ARHGAP32: variants seen among roughly 807,000 people sequenced by gnomAD.
ARHGAP32 encodes rho GTPase-activating protein 32.
In ARHGAP32, 51 loss-of-function variants were observed where a neutral mutation model predicts 186.5. That is an observed-to-expected ratio of 0.27 (90% CI 0.22 to 0.35). ARHGAP32 has a LOEUF of 0.35. Ranked by LOEUF, ARHGAP32 falls within the 10% of genes least tolerant of loss-of-function variation. The probability of loss-of-function intolerance (pLI) is 1.00; values close to 1 mark genes in which losing one functional copy is unlikely to be tolerated. For missense variants in ARHGAP32, 2,186 were observed against 2,623.5 expected (o/e 0.83, Z 3.64); for synonymous variants, 950 against 964.3 (o/e 0.99, Z 0.27).
intron 2 of ARHGAP32, among the ~76,000 whole-genome samples, chr11:129,163,621 C>T (rs1943573394): frequency 6.6e-6 from 1 of 152,080 alleles, no homozygotes; most frequent in Non-Finnish European, 1.5e-5. Context: ...ACCATATGTG[C>T]TATCATCCTG....
At chr11:129,038,602 C>T (rs1939454107) in intron 11 of ARHGAP32, among the ~76,000 whole-genome samples, 1 of 151,442 alleles carries the variant, frequency 6.6e-6, no homozygotes, top group African/African-American at 2.4e-5. Context: ...TTACAACTCA[C>T]TAAAAAAAAC....
At chr11:128,989,553 CACAT>C (rs1360415393) in intron 12 of ARHGAP32, among the ~76,000 whole-genome samples, 45 of 150,630 alleles carry the variant, frequency 3.0e-4, no homozygotes, top group African/African-American at 9.1e-4. Flanking sequence ...CACACACACA[CACAT>C]ACATATATCT....
intron 1 of ARHGAP32, among the ~76,000 whole-genome samples, chr11:129,259,426 G>GA (rs537786285): frequency 1.1e-4 from 16 of 151,278 alleles, no homozygotes; most frequent in Admixed American, 3.3e-4. Context: ...CACTTTGGAA[G>GA]AAAAAAAAGA....
At chr11:129,155,110 T>G (rs866203590) in intron 2 of ARHGAP32, among the ~76,000 whole-genome samples, 2 of 152,342 alleles carry the variant, frequency 1.3e-5, no homozygotes, top group African/African-American at 4.8e-5. Context: ...ACTCATTTGT[T>G]ATGTATTATT....
rs189369251 is a variant in ARHGAP32, at chr11:129,066,000, T to A, written c.669+731A>T. On this transcript the variant is annotated intron_variant, in intron 7 of 22. Coordinates refer to ENST00000682385, the MANE Select transcript of ARHGAP32 (RefSeq NM_001378024.1). ...TACTAAATTAATTTAAATGATCCTATATTCGTTTACAACATCTCTGATTTT... is the reference window on the plus strand; with the variant it reads ...TACTAAATTAATTTAAATGATCCTAAATTCGTTTACAACATCTCTGATTTT... 2.0e-4 allele frequency among the ~76,000 whole-genome samples: 30 copies of A among 152,300 alleles called. No homozygotes were observed. In the East Asian group the frequency reaches 5.2e-3, roughly 26 times the overall value.
intron 5 of ARHGAP32, among the ~76,000 whole-genome samples, chr11:129,108,648 G>A (rs1942117946): frequency 6.6e-6 from 1 of 152,124 alleles, no homozygotes; most frequent in Non-Finnish European, 1.5e-5. Flanking sequence ...TTGCTGATTT[G>A]TGAAGTGGGT....
intron 1 of ARHGAP32, among the ~76,000 whole-genome samples, chr11:129,207,768 CA>C (rs1944533271): frequency 6.6e-6 from 1 of 151,494 alleles, no homozygotes. Context: ...AAATATTAAT[CA>C]AAAGAATAAC....
intron 1 of ARHGAP32, among the ~76,000 whole-genome samples, chr11:129,232,652 C>T (rs917357156): frequency 2.0e-5 from 3 of 152,160 alleles, no homozygotes; most frequent in Non-Finnish European, 4.4e-5. Flanking sequence ...TGACTCTCAT[C>T]TGAAGGCTGG....
At chr11:129,187,810 A>G (rs1029239737) in intron 1 of ARHGAP32, among the ~76,000 whole-genome samples, 2 of 152,210 alleles carry the variant, frequency 1.3e-5, no homozygotes, top group Non-Finnish European at 2.9e-5. Context: ...ATCTTTTTTG[A>G]CATCATAAGT....
chr11:129,249,309 A>ATACTCATACAT (rs1945147198), intron 1 of ARHGAP32, among the ~76,000 whole-genome samples: 1 of 152,116 alleles, frequency 6.6e-6, no homozygotes, highest in Non-Finnish European at 1.5e-5. Flanking sequence ...AAAAAAAGTA[A>ATACTCATACAT]TACTCATACA....
At chr11:129,148,273 G>T (rs1943213344) in intron 2 of ARHGAP32, among the ~76,000 whole-genome samples, 1 of 152,012 alleles carries the variant, frequency 6.6e-6, no homozygotes, top group African/African-American at 2.4e-5. Flanking sequence ...CACAGGACAG[G>T]CAAAAAACTG....
intron 6 of ARHGAP32, among the ~76,000 whole-genome samples, chr11:129,067,855 T>C (rs1940746148): frequency 6.6e-6 from 1 of 152,058 alleles, no homozygotes; most frequent in Non-Finnish European, 1.5e-5. Flanking sequence ...TTCTAATCAC[T>C]AGTGTCTCAA....
intron 11 of ARHGAP32, among the ~76,000 whole-genome samples, chr11:129,036,488 A>G (rs1231841029): frequency 6.6e-6 from 1 of 152,026 alleles, no homozygotes. Flanking sequence ...AATTTATAGT[A>G]CATCTGAGTC....
intron 10 of ARHGAP32, among the ~76,000 whole-genome samples, chr11:129,060,387 T>TAGAC (rs887233865): frequency 6.4e-4 from 92 of 143,196 alleles, no homozygotes; most frequent in East Asian, 1.8e-3. Flanking sequence ...ATAGATAAGA[T>TAGAC]AGACAGACAG....
chr11:129,173,902 C>G (rs931153972), intron 1 of ARHGAP32, among the ~76,000 whole-genome samples: 3 of 151,924 alleles, frequency 2.0e-5, no homozygotes, highest in Non-Finnish European at 4.4e-5. Flanking sequence ...GGAAAAAAAG[C>G]AAGAAAAAAT....
At chr11:128,975,074 C>CT (rs1435964240) in intron 20 of ARHGAP32, 72 bp from the exon 21 acceptor site, 3 of 1,226,072 alleles carry the variant, frequency 2.4e-6, no homozygotes, top group African/African-American at 3.0e-5. Flanking sequence ...GTCACCTACT[C>CT]AGCACAGCAG....
chr11:128,990,240 A>C (rs1276506860), intron 12 of ARHGAP32, among the ~76,000 whole-genome samples: 2 of 152,156 alleles, frequency 1.3e-5, no homozygotes, highest in Non-Finnish European at 2.9e-5. Context: ...CCACAAGTAG[A>C]GGTGGCTGAG....
In ARHGAP32 at chr11:129,228,114, A is replaced by T. The variant is rs566996616; in HGVS notation, c.-5+51032T>A. Reference sequence around the variant, plus strand: ...ATACAAGTAAGTGGAAATTAAACTCACTCCTAAATAATAGGTCAAAAAAGA... The same window carrying T: ...ATACAAGTAAGTGGAAATTAAACTCTCTCCTAAATAATAGGTCAAAAAAGA... On this transcript the variant is annotated intron_variant, in intron 1 of 6. Transcript: ENST00000525234. Among the ~76,000 whole-genome samples the T allele has an allele frequency of 3.7e-3, 568 of 152,242 alleles. 2 individuals carry two copies. The highest frequency in any genetic ancestry group is 0.013 in the African/African-American group (543 of 41,560).
At chr11:129,233,035 T>C (rs148041877) in intron 1 of ARHGAP32, among the ~76,000 whole-genome samples, 12 of 152,300 alleles carry the variant, frequency 7.9e-5, no homozygotes, top group African/African-American at 2.9e-4. Context: ...ACTTAAGACA[T>C]GAATTTCATC....
Sources: gnomAD v4.1 joint callset for allele counts (sites outside exome capture counted in the v4.1 genomes callset) on GRCh38, gnomAD v4.1.1 for gene constraint, MANE v1.5 for transcripts, NCBI Gene and HGNC (gene_info 2026-07-23, HGNC 2026-07-21) for gene names.